The following CARMIL1 variants were observed in gnomAD, a reference collection of about 807,000 sequenced individuals.
The protein encoded by CARMIL1 is F-actin-uncapping protein LRRC16A.
A neutral mutation model predicts 177.1 loss-of-function variants in CARMIL1; 90 were observed. The observed-to-expected ratio is 0.51, with a 90% CI of 0.43 to 0.61. The LOEUF (loss-of-function observed/expected upper bound fraction) is 0.61, where lower values mean the gene tolerates loss of function less well. Ranked by LOEUF, CARMIL1 falls within the 20% of genes least tolerant of loss-of-function variation. CARMIL1 has a pLI of 0.00. For synonymous variants in CARMIL1, 577 were observed against 606.2 expected (o/e 0.95, Z 0.71); for missense variants, 1,380 against 1,667.0 (o/e 0.83, Z 3.00).
chr6:25,408,224 G>A (rs1270331501), intron 2 of CARMIL1, among the ~76,000 whole-genome samples: 2 of 151,002 alleles, frequency 1.3e-5, no homozygotes, highest in Admixed American at 6.6e-5. Context: ...GGAGGTCAAG[G>A]CTGCAGTGAG....
chr6:25,321,894 A>G (rs898667393), intron 2 of CARMIL1, among the ~76,000 whole-genome samples: 2 of 151,978 alleles, frequency 1.3e-5, no homozygotes, highest in Non-Finnish European at 2.9e-5. Context: ...TCCTGACCTC[A>G]TGATCCGCCT....
At chr6:25,488,120 A>T (rs967492457) in intron 12 of CARMIL1, among the ~76,000 whole-genome samples, 3 of 152,228 alleles carry the variant, frequency 2.0e-5, no homozygotes, top group Non-Finnish European at 4.4e-5. Flanking sequence ...ACCAGGCACT[A>T]ACTCAAGAAT....
intron 20 of CARMIL1, among the ~76,000 whole-genome samples, chr6:25,514,355 T>C (rs913259316): frequency 6.6e-6 from 1 of 152,038 alleles, no homozygotes; most frequent in Non-Finnish European, 1.5e-5. Flanking sequence ...GAGACCAGCC[T>C]GGCCAACATG....
chr6:25,359,624 A>G (rs368028282), intron 2 of CARMIL1, among the ~76,000 whole-genome samples: 2 of 152,236 alleles, frequency 1.3e-5, no homozygotes, highest in African/African-American at 2.4e-5. Context: ...CTCCAGTGAC[A>G]TGCTAATTTT....
chr6:25,283,719 T>G (rs1299008095), intron 1 of CARMIL1, among the ~76,000 whole-genome samples: 1 of 152,092 alleles, frequency 6.6e-6, no homozygotes, highest in Non-Finnish European at 1.5e-5. Context: ...TCTGGCTTAT[T>G]TTTATTTTTT....
intron 2 of CARMIL1, 92 bp from the exon 3 acceptor site, chr6:25,420,022 G>A: frequency 2.1e-6 from 2 of 931,538 alleles, no homozygotes; most frequent in Non-Finnish European, 3.6e-6. Context: ...GCCTTCTGAG[G>A]TTTCAGTATC....
chr6:25,538,052 A>C, intron 25 of CARMIL1, 69 bp downstream of exon 25: 3 of 1,470,108 alleles, frequency 2.0e-6, no homozygotes, highest in Non-Finnish European at 2.7e-6. Context: ...TAGTTTTAGA[A>C]ACCAGTTTCA....
intron 1 of CARMIL1, among the ~76,000 whole-genome samples, chr6:25,281,123 C>CGTGT (rs772349175): frequency 0.011 from 1,366 of 122,828 alleles, 20 homozygotes; most frequent in African/African-American, 0.032. Flanking sequence ...GACGCACGCG[C>CGTGT]GTGTGCGCGC....
chr6:25,317,562 C>CTTTTTTTT (rs33992407), intron 2 of CARMIL1, among the ~76,000 whole-genome samples: 2 of 107,130 alleles, frequency 1.9e-5, no homozygotes, highest in East Asian at 2.8e-4. Flanking sequence ...TTACTTAGGA[C>CTTTTTTTT]TTTTTTTTTT....
chr6:25,477,450 A>G (rs576968525), intron 11 of CARMIL1, among the ~76,000 whole-genome samples: 1 of 152,246 alleles, frequency 6.6e-6, no homozygotes, highest in South Asian at 2.1e-4. Context: ...TGCAAGAGCA[A>G]CACAAGATGG....
intron 2 of CARMIL1, among the ~76,000 whole-genome samples, chr6:25,415,862 G>T (rs1052268276): frequency 6.6e-6 from 1 of 152,098 alleles, no homozygotes; most frequent in African/African-American, 2.4e-5. Context: ...TGGAGAAGGG[G>T]CTGGGGAATG....
intron 2 of CARMIL1, among the ~76,000 whole-genome samples, chr6:25,348,146 T>C (rs1207387419): frequency 6.6e-6 from 1 of 152,170 alleles, no homozygotes; most frequent in Admixed American, 6.5e-5. Context: ...AGCACTTCTT[T>C]TCTTTTTTTT....
At chr6:25,582,895 C>T (rs189520296) in intron 31 of CARMIL1, among the ~76,000 whole-genome samples, 140 of 152,286 alleles carry the variant, frequency 9.2e-4, no homozygotes, top group Admixed American at 3.5e-3. Context: ...TATGCCAACC[C>T]TGTGAGTCCT....
At chr6:25,502,192 T>G (rs1171721478) in intron 17 of CARMIL1, among the ~76,000 whole-genome samples, 3 of 144,790 alleles carry the variant, frequency 2.1e-5, no homozygotes, top group Admixed American at 7.0e-5. Context: ...TATTTTTAAT[T>G]GGGGGAGGAG....
chr6:25,581,527 C>A, intron 31 of CARMIL1, 88 bp downstream of exon 31: 1 of 1,222,044 alleles, frequency 8.2e-7, no homozygotes, highest in Non-Finnish European at 1.1e-6. Flanking sequence ...GTGCTTTGCA[C>A]AAACATGAAA....
At chr6:25,403,641 C>A (rs1794084668) in intron 2 of CARMIL1, among the ~76,000 whole-genome samples, 1 of 152,166 alleles carries the variant, frequency 6.6e-6, no homozygotes. Flanking sequence ...CTGTCTGGAC[C>A]ATGCTTATCC....
Position 25,528,890 on chromosome 6 carries a change from G to A in CARMIL1, c.2064G>A (p.Gln688=), listed in dbSNP as rs557894427. 3.7e-6 allele frequency: 6 copies of A among 1,605,862 alleles called. No individual in the cohort carries two copies. The highest frequency in any genetic ancestry group is 2.7e-5 in the African/African-American group (2 of 74,854). Residue 688 remains glutamine, a synonymous_variant, in exon 24 of 37, where the codon CAG becomes CAA. Coordinates refer to ENST00000329474, the MANE Select transcript of CARMIL1 (RefSeq NM_017640.6). ...AGGGTATTGTCACCAGCACCACCCA[G>A]CAGGTAAGCGAGCCAGTGCCTGTGA... ...LQQGIVTSTT[Q]QMIDRICVKV...
chr6:25,602,571 C>T lies in CARMIL1; in HGVS notation c.3552+1825C>T, dbSNP rs138010220. ...TTACACAGTATTAATGATCTGTTAG[C>T]GCCATCTAGTGTCACTTTAAAACAA... On this transcript the variant is annotated intron_variant, in intron 33 of 36. Coordinates refer to ENST00000329474, the MANE Select transcript of CARMIL1 (RefSeq NM_017640.6). Among the ~76,000 whole-genome samples the T allele has an allele frequency of 3.7e-3, 563 of 152,238 alleles. 2 individuals are homozygous for T. Among genetic ancestry groups the T allele is most frequent in the African/African-American group, 0.013 (543 of 41,526 alleles).
chr6:25,599,987 A>G (rs1349438051), intron 32 of CARMIL1, among the ~76,000 whole-genome samples: 1 of 152,136 alleles, frequency 6.6e-6, no homozygotes, highest in African/African-American at 2.4e-5. Context: ...GGAATTCTCA[A>G]GCAGAGCAAG....
Sources: gnomAD v4.1 joint callset for allele counts (sites outside exome capture counted in the v4.1 genomes callset) on GRCh38, gnomAD v4.1.1 for gene constraint, MANE v1.5 for transcripts, NCBI Gene and HGNC (gene_info 2026-07-23, HGNC 2026-07-21) for gene names.